Variants in FARS2 observed in about 807,000 individuals in gnomAD.
The protein encoded by FARS2 is phenylalanyl-tRNA synthetase 2, mitochondrial, also known as phenylalanine--tRNA ligase, mitochondrial.
A neutral mutation model predicts 46.4 loss-of-function variants in FARS2; 40 were observed. The observed-to-expected ratio is 0.86, with a 90% CI of 0.67 to 1.12. The LOEUF (loss-of-function observed/expected upper bound fraction) is 1.12, where lower values mean the gene tolerates loss of function less well. FARS2 is among the 50% of genes most tolerant of loss of function. The pLI is 0.00. For synonymous variants in FARS2, 234 were observed against 214.9 expected, an observed-to-expected ratio of 1.09 and a Z score of -0.78; for missense variants, 513 against 567.9, an observed-to-expected ratio of 0.90 and a Z score of 0.98.
At chr6:5,595,339 G>T (rs889758076) in intron 5 of FARS2, among the ~76,000 whole-genome samples, 1 of 152,094 alleles carries the variant, frequency 6.6e-6, no homozygotes, top group Admixed American at 6.5e-5. Flanking sequence ...GGGAAATGAC[G>T]CCTCAGCTGA....
intron 2 of FARS2, chr6:5,371,201 G>A: frequency 1.0e-6 from 1 of 984,170 alleles, no homozygotes. Flanking sequence ...AGAAGATTGT[G>A]GTGTTTTCTG....
At chr6:5,486,898 G>A (rs1312228693) in intron 4 of FARS2, among the ~76,000 whole-genome samples, 1 of 152,128 alleles carries the variant, frequency 6.6e-6, no homozygotes, top group Non-Finnish European at 1.5e-5. Context: ...AGTATTATTA[G>A]CAATCTCAAA....
At chr6:5,652,555 A>C (rs542703405) in intron 6 of FARS2, among the ~76,000 whole-genome samples, 2 of 152,254 alleles carry the variant, frequency 1.3e-5, no homozygotes, top group Non-Finnish European at 2.9e-5. Flanking sequence ...AGTGCGGCGC[A>C]GCCGCTGATG....
chr6:5,429,231 CTG>C lies in FARS2; in HGVS notation c.773-1807_773-1806del, dbSNP rs563561037. Among the ~76,000 whole-genome samples, 5 of 152,220 alleles carry C rather than the reference CTG, an allele frequency of 3.3e-5. No individual in the cohort carries two copies. The South Asian group carries it at 1.0e-3, about 32-fold the overall frequency. On this transcript the variant is annotated intron_variant, in intron 3 of 6. Coordinates refer to ENST00000274680, the MANE Select transcript of FARS2 (RefSeq NM_006567.5). ...ATTTGTCACATTATACACTTTATAT[CTG>C]TGCACTTTAATGTTTGTCTATTTAA...
At chr6:5,614,733 A>G (rs1775380097) in intron 6 of FARS2, among the ~76,000 whole-genome samples, 1 of 152,166 alleles carries the variant, frequency 6.6e-6, no homozygotes, top group South Asian at 2.1e-4. Context: ...CATTCTCTAG[A>G]TAAAGATGTT....
At chr6:5,724,509 G>A (rs1195006213) in intron 6 of FARS2, among the ~76,000 whole-genome samples, 1 of 152,218 alleles carries the variant, frequency 6.6e-6, no homozygotes, top group Non-Finnish European at 1.5e-5. Flanking sequence ...AAGGAACAGA[G>A]CCCCCAGGAC....
chr6:5,477,953 G>C (rs542216829), intron 4 of FARS2, among the ~76,000 whole-genome samples: 1 of 152,170 alleles, frequency 6.6e-6, no homozygotes, highest in African/African-American at 2.4e-5. Flanking sequence ...CCAGGAGGTC[G>C]AGGCTGCAGT....
intron 1 of FARS2, among the ~76,000 whole-genome samples, chr6:5,336,450 A>G (rs1183146243): frequency 6.6e-6 from 1 of 151,980 alleles, no homozygotes; most frequent in East Asian, 1.9e-4. Context: ...TCATAAACCT[A>G]TGGTCAGATA....
At chr6:5,574,675 G>A in intron 5 of FARS2, among the ~76,000 whole-genome samples, 1 of 152,124 alleles carries the variant, frequency 6.6e-6, no homozygotes, top group Non-Finnish European at 1.5e-5. Flanking sequence ...TTAGTTCCTA[G>A]AGGAAATGCA....
At chr6:5,439,958 G>A (rs116803286) in intron 4 of FARS2, among the ~76,000 whole-genome samples, 2,026 of 152,150 alleles carry the variant, frequency 0.013, 40 homozygotes, top group African/African-American at 0.046. Context: ...TTATGTGTAG[G>A]TTTTGCCTCA....
At chr6:5,333,703 G>A (rs907993126) in intron 1 of FARS2, among the ~76,000 whole-genome samples, 4 of 152,108 alleles carry the variant, frequency 2.6e-5, no homozygotes, top group East Asian at 1.9e-4. Context: ...ACTGTACTCC[G>A]GCCACTGTTT....
intron 4 of FARS2, among the ~76,000 whole-genome samples, chr6:5,434,202 G>A (rs753799291): frequency 1.3e-5 from 2 of 152,064 alleles, no homozygotes; most frequent in Non-Finnish European, 2.9e-5. Flanking sequence ...CTCTGCCCCC[G>A]CTGGGTTCAA....
At chr6:5,674,124 T>C (rs1778626705) in intron 6 of FARS2, among the ~76,000 whole-genome samples, 1 of 150,054 alleles carries the variant, frequency 6.7e-6, no homozygotes, top group Non-Finnish European at 1.5e-5. Flanking sequence ...TTAGAAACCA[T>C]TTGCCCTGAG....
At chr6:5,267,256 T>C (rs1765613611) in intron 1 of FARS2, among the ~76,000 whole-genome samples, 1 of 152,162 alleles carries the variant, frequency 6.6e-6, no homozygotes, top group South Asian at 2.1e-4. Context: ...TTTTACAGTG[T>C]GATTTGTTGT....
In FARS2 at chr6:5,444,505, AGAGAGAGAGG is replaced by A. The variant is rs1177593057; in HGVS notation, c.904+13334_904+13343del. On this transcript the variant is annotated intron_variant, in intron 4 of 6. Transcript: ENST00000274680. ...AAAAAAAAAAAAAAGAGAGAGAGAG[AGAGAGAGAGG>A]AAAAAATCTTAGTGCCAGGTGTCTG... is the stretch of plus-strand genomic sequence containing the variant. Among the ~76,000 whole-genome samples the A allele has an allele frequency of 5.7e-3, 754 of 131,834 alleles. 6 individuals are homozygous for A. The highest frequency in any genetic ancestry group is 9.7e-3 in the Non-Finnish European group (592 of 61,026). 86.5% of individuals were successfully genotyped at this position (131,834 alleles called of 152,430 possible).
At chr6:5,329,719 A>G (rs1037330775) in intron 1 of FARS2, among the ~76,000 whole-genome samples, 2 of 152,184 alleles carry the variant, frequency 1.3e-5, no homozygotes, top group Admixed American at 6.5e-5. Flanking sequence ...CGTACTTACT[A>G]TTAACAGTTT....
At chr6:5,451,155 A>G (rs1298361932) in intron 4 of FARS2, among the ~76,000 whole-genome samples, 1 of 152,182 alleles carries the variant, frequency 6.6e-6, no homozygotes. Context: ...TAATTTACAT[A>G]TAAAAGTCCT....
intron 5 of FARS2, among the ~76,000 whole-genome samples, chr6:5,563,724 T>C (rs1198142148): frequency 6.6e-6 from 1 of 152,192 alleles, no homozygotes; most frequent in African/African-American, 2.4e-5. Flanking sequence ...GATTGCTTCT[T>C]GGTGAGAAGA....
chr6:5,601,367 C>A (rs1368628391), intron 5 of FARS2, among the ~76,000 whole-genome samples: 3 of 151,338 alleles, frequency 2.0e-5, no homozygotes, highest in Non-Finnish European at 4.4e-5. Context: ...ACTAAAAATA[C>A]AAAAAAATTA....
Sources: gnomAD v4.1 joint callset for allele counts (sites outside exome capture counted in the v4.1 genomes callset) on GRCh38, gnomAD v4.1.1 for gene constraint, MANE v1.5 for transcripts, NCBI Gene and HGNC (gene_info 2026-07-23, HGNC 2026-07-21) for gene names.